The following DAAM2 variants were observed in gnomAD, a reference collection of about 807,000 sequenced individuals.
The protein encoded by DAAM2 is disheveled-associated activator of morphogenesis 2.
Under a neutral mutation model 120.7 loss-of-function variants are expected in DAAM2, and 39 were observed. The observed-to-expected ratio is 0.32, with a 90% CI of 0.25 to 0.42. The LOEUF (loss-of-function observed/expected upper bound fraction) is 0.42, where lower values mean the gene tolerates loss of function less well. DAAM2 is among the 10% of genes least tolerant of loss of function. DAAM2 has a pLI of 1.00. For synonymous variants in DAAM2, 488 were observed against 524.9 expected (o/e 0.93, Z 0.96); for missense variants, 1,283 against 1,401.7 (o/e 0.92, Z 1.35).
intron 19 of DAAM2, among the ~76,000 whole-genome samples, chr6:39,894,544 C>T (rs936181328): frequency 6.9e-6 from 1 of 144,740 alleles, no homozygotes; most frequent in African/African-American, 2.5e-5. Flanking sequence ...CTTTACCCCC[C>T]TCCCTCCTCT....
chr6:39,897,093 C>T, intron 20 of DAAM2, 82 bp from the exon 21 acceptor site: 2 of 1,519,270 alleles, frequency 1.3e-6, no homozygotes, highest in South Asian at 2.4e-5. Context: ...ACCCCTTTCT[C>T]TTAACACTCC....
intron 1 of DAAM2, among the ~76,000 whole-genome samples, chr6:39,824,271 C>G (rs899959071): frequency 2.0e-5 from 3 of 152,184 alleles, no homozygotes; most frequent in African/African-American, 7.2e-5. Context: ...CCAATGACCT[C>G]TCCCCATCCC....
intron 19 of DAAM2, among the ~76,000 whole-genome samples, chr6:39,895,558 CA>C (rs1766027875): frequency 6.6e-6 from 1 of 152,176 alleles, no homozygotes; most frequent in Admixed American, 6.5e-5. Flanking sequence ...AAGCTTTCTA[CA>C]AACTTTTAGC....
Position 39,878,424 on chromosome 6 carries a change from C to T in DAAM2, c.1381C>T (p.Arg461Cys), listed in dbSNP as rs765836408. The change falls in exon 13 of 25, where the codon CGT becomes TGT. Residue 461 changes from arginine (R) to cysteine (C), a missense_variant. Arg to Cys is a radical substitution (Grantham distance 180). Coordinates refer to ENST00000274867, the MANE Select transcript of DAAM2 (RefSeq NM_001201427.2). The surrounding 1 kb of genome is among the most constrained non-coding windows in gnomAD (Gnocchi z 5.0). Reference protein sequence around the residue: ...FRKEHMELVSRLERKERECET... With the variant: ...FRKEHMELVSCLERKERECET... ...TCCAGAACACATGGAGCTTGTGAGC[C>T]GTCTGGAGAGGAAGGAGCGGGAATG... 18 of 1,611,964 alleles carry T rather than the reference C, an allele frequency of 1.1e-5. 1 individual carries two copies. The highest frequency in any genetic ancestry group is 2.7e-5 in the African/African-American group (2 of 74,852).
intron 1 of DAAM2, among the ~76,000 whole-genome samples, chr6:39,805,914 G>T (rs569403491): frequency 6.6e-6 from 1 of 152,104 alleles, no homozygotes. Flanking sequence ...CTACCATTAC[G>T]CTGTTCTTAA....
chr6:39,898,262 T>C (rs1000523454), intron 21 of DAAM2, among the ~76,000 whole-genome samples: 4 of 152,208 alleles, frequency 2.6e-5, no homozygotes, highest in Non-Finnish European at 5.9e-5. Flanking sequence ...CTCTCAGTAA[T>C]TGGCTGAGGG....
chr6:39,802,733 T>A (rs1280712183), intron 1 of DAAM2, among the ~76,000 whole-genome samples: 1 of 152,200 alleles, frequency 6.6e-6, no homozygotes, highest in Non-Finnish European at 1.5e-5. Flanking sequence ...CCATTAAAAA[T>A]TTTTATTTTG....
chr6:39,867,381 C>T (rs778420117), intron 5 of DAAM2, 129 bp from the exon 6 acceptor site: 69 of 779,714 alleles, frequency 8.8e-5, no homozygotes, highest in Non-Finnish European at 1.1e-4. Flanking sequence ...AGATAAACTA[C>T]GAATAAACCA....
At chr6:39,820,762 C>T (rs1308749029) in intron 1 of DAAM2, 1 of 152,244 alleles carries the variant, frequency 6.6e-6, no homozygotes, top group African/African-American at 2.4e-5. Flanking sequence ...AATTTACTAT[C>T]TCCAGGCCTC....
At chr6:39,898,815 C>T (rs2149377381) in intron 21 of DAAM2, 62 bp from the exon 22 acceptor site, 1 of 1,437,242 alleles carries the variant, frequency 7.0e-7, no homozygotes, top group Non-Finnish European at 9.7e-7. Context: ...CCTGAACCAG[C>T]CTTAGCACCT....
chr6:39,839,175 G>T (rs1001648214), intron 1 of DAAM2, among the ~76,000 whole-genome samples: 1 of 151,954 alleles, frequency 6.6e-6, no homozygotes, highest in Non-Finnish European at 1.5e-5. Context: ...TGAGGGATCC[G>T]CTCATAACTT....
chr6:39,883,690 T>G, intron 14 of DAAM2: 1 of 367,284 alleles, frequency 2.7e-6, no homozygotes, highest in Non-Finnish European at 4.9e-6. Context: ...TGCCTACCCA[T>G]CCCCCCAGCA....
rs570679797 is a variant in DAAM2, at chr6:39,866,552, C to T, written c.429-958C>T. Among the ~76,000 whole-genome samples, 10 of 152,178 alleles carry T rather than the reference C, an allele frequency of 6.6e-5. No homozygotes were observed. In the East Asian group the frequency reaches 1.2e-3, roughly 18 times the overall value. On this transcript the variant is annotated intron_variant, in intron 5 of 24. Transcript: ENST00000274867. ...TGTGTGTGGGCATGCCATGGACATC[C>T]GGCGCCTAGGTGAAACTTATGGACT...
At chr6:39,871,190 T>C (rs1764645700) in intron 8 of DAAM2, among the ~76,000 whole-genome samples, 1 of 152,120 alleles carries the variant, frequency 6.6e-6, no homozygotes, top group African/African-American at 2.4e-5. Context: ...CTGGGGATGC[T>C]GCTAAACATC....
chr6:39,813,801 T>C (rs1401393986), intron 1 of DAAM2, among the ~76,000 whole-genome samples: 1 of 152,206 alleles, frequency 6.6e-6, no homozygotes, highest in Non-Finnish European at 1.5e-5. Context: ...TTTCCAGTCT[T>C]TTCTCTCCAC....
Position 39,901,877 on chromosome 6 carries a change from C to G in DAAM2, c.3047C>G (p.Ser1016Trp). Residue 1016 changes from serine (S) to tryptophan (W), a missense_variant, in exon 25 of 25, where the codon TCG becomes TGG. This residue lies in a region of DAAM2 where 748 missense variants were observed against 768.6 expected (regional missense o/e 0.97). Transcript: ENST00000274867. This position sits in a 1 kb window ranked among gnomAD's most constrained non-coding sequence, Gnocchi z 4.5. The part of the protein sequence containing the change: ...RQRKVLAAGS[S>W]LEEGGEFDDL... ...CGGAAGGTCCTGGCTGCAGGCAGCT[C>G]GCTGGAGGAGGGAGGAGAGTTCGAT... 1 of 1,594,198 alleles carries G rather than the reference C, an allele frequency of 6.3e-7. No individual in the cohort carries two copies. Among genetic ancestry groups the G allele is most frequent in the Non-Finnish European group, 8.6e-7 (1 of 1,166,938 alleles).
chr6:39,843,051 C>T (rs778580882), intron 1 of DAAM2, among the ~76,000 whole-genome samples: 1 of 152,156 alleles, frequency 6.6e-6, no homozygotes, highest in African/African-American at 2.4e-5. Flanking sequence ...GTCAAGAATT[C>T]AGGAAATATA....
At chr6:39,899,928 C>T in intron 22 of DAAM2, 149 bp from the exon 23 acceptor site, 1 of 870,394 alleles carries the variant, frequency 1.1e-6, no homozygotes, top group South Asian at 1.8e-5. Context: ...AGCTCATAGT[C>T]TTTGCCATCC....
chr6:39,897,943 G>A (rs1218803194), intron 21 of DAAM2, among the ~76,000 whole-genome samples: 1 of 152,138 alleles, frequency 6.6e-6, no homozygotes, highest in African/African-American at 2.4e-5. Flanking sequence ...TCACTTCCTT[G>A]ACTACCTATC....
Sources: gnomAD v4.1 joint callset for allele counts (sites outside exome capture counted in the v4.1 genomes callset) on GRCh38, gnomAD v4.1.1 for gene constraint, gnomAD v4.1.1 regional missense constraint, Gnocchi (gnomAD v3.1) non-coding constraint, MANE v1.5 for transcripts, NCBI Gene and HGNC (gene_info 2026-07-23, HGNC 2026-07-21) for gene names.